Variants in DBX2 observed in about 807,000 individuals in gnomAD.
The protein encoded by DBX2 is developing brain homeobox 2, also known as homeobox protein DBX2.
In DBX2, 16 loss-of-function variants were observed where a neutral mutation model predicts 17.7. The ratio of observed to expected loss-of-function variants is 0.90; its 90% CI spans 0.61 to 1.37. DBX2 has a LOEUF of 1.37. Ranked by LOEUF, DBX2 falls within the 40% of genes most tolerant of loss-of-function variation. DBX2 has a pLI of 0.00. For synonymous variants in DBX2, 255 were observed against 183.8 expected (o/e 1.39, Z -3.13); for missense variants, 538 against 433.8 (o/e 1.24, Z -2.13).
intron 2 of DBX2, among the ~76,000 whole-genome samples, chr12:45,024,857 A>T (rs1375952382): frequency 6.6e-6 from 1 of 152,180 alleles, no homozygotes; most frequent in East Asian, 1.9e-4. Flanking sequence ...AAGAGAAGAG[A>T]GAACTGAAGG....
intron 1 of DBX2, 28 bp downstream of exon 1, chr12:45,050,497 C>A: frequency 6.5e-7 from 1 of 1,543,488 alleles, no homozygotes; most frequent in Admixed American, 2.0e-5. Context: ...GCGGGCGCGG[C>A]TGGGGAGGGA....
intron 2 of DBX2, among the ~76,000 whole-genome samples, chr12:45,025,607 T>C (rs1268922487): frequency 6.6e-6 from 1 of 151,130 alleles, no homozygotes; most frequent in African/African-American, 2.4e-5. Context: ...CACCTTCTTA[T>C]GGGAGGGGTG....
chr12:45,036,319 A>G (rs1490632509), intron 1 of DBX2, among the ~76,000 whole-genome samples: 2 of 152,224 alleles, frequency 1.3e-5, no homozygotes, highest in East Asian at 3.8e-4. Flanking sequence ...GAAAAGACGC[A>G]AAGAGACTAT....
intron 1 of DBX2, 128 bp from the exon 2 acceptor site, chr12:45,036,242 T>A: frequency 1.2e-6 from 1 of 845,316 alleles, no homozygotes; most frequent in East Asian, 3.0e-5. Flanking sequence ...ATTAAAGTTA[T>A]TATAAAGTAG....
At chr12:45,025,036 C>T (rs1946374125) in intron 2 of DBX2, among the ~76,000 whole-genome samples, 1 of 152,148 alleles carries the variant, frequency 6.6e-6, no homozygotes, top group African/African-American at 2.4e-5. Flanking sequence ...GTGTGGCAGG[C>T]AGAGTAATGG....
At chr12:45,026,120 A>G (rs1349415151) in intron 2 of DBX2, among the ~76,000 whole-genome samples, 1 of 152,194 alleles carries the variant, frequency 6.6e-6, no homozygotes, top group East Asian at 1.9e-4. Flanking sequence ...ACCTCTTCAA[A>G]GGTAACCACA....
rs1312405042 is a variant in DBX2, at chr12:45,024,043, CT to C, written c.500-150del. ...CACTTAAAGCAGTACTTCCTAACTT[CT>C]TTTTGGCTATGGACTCTCATCTTGA... On this transcript the variant is annotated intron_variant, in intron 2 of 3. Transcript: ENST00000332700. 8 of 746,080 alleles carry C rather than the reference CT, an allele frequency of 1.1e-5. No individual in the cohort carries two copies. In the East Asian group the frequency reaches 2.2e-4, roughly 21 times the overall value. The allele number at this position is 746,080 out of a possible 1,614,324, so 46.2% of individuals were successfully genotyped here.
chr12:45,033,884 T>C (rs773281416), intron 2 of DBX2, among the ~76,000 whole-genome samples: 7 of 152,266 alleles, frequency 4.6e-5, no homozygotes, highest in Non-Finnish European at 1.0e-4. Flanking sequence ...ACAAGAATTA[T>C]GCAAAAGGCA....
At chr12:45,021,083 T>C (rs1181026830) in intron 3 of DBX2, among the ~76,000 whole-genome samples, 1 of 152,196 alleles carries the variant, frequency 6.6e-6, no homozygotes, top group African/African-American at 2.4e-5. Context: ...CTGTAACTGA[T>C]ATATTGATAT....
chr12:45,050,598 G>T lies in DBX2; in HGVS notation c.330C>A (p.Pro110=). 6.4e-7 allele frequency: 1 copy of T among 1,551,504 alleles called. No individual in the cohort carries two copies. The highest frequency in any genetic ancestry group is 8.7e-7 in the Non-Finnish European group (1 of 1,147,886). ...GTRWAFQVLS[P]SADSARLPGR... ...CCGGCAGCCTCGCACTGTCCGCAGA[G>T]GGACTGAGCACTTGAAAAGCCCACC... Residue 110 remains proline (P), a synonymous_variant, in exon 1 of 4, where the codon CCC becomes CCA. Coordinates refer to ENST00000332700, the MANE Select transcript of DBX2 (RefSeq NM_001004329.3).
rs778034743 is a variant in DBX2, at chr12:45,036,000, A to G, written c.499+19T>C. 1.0e-5 allele frequency: 16 copies of G among 1,606,680 alleles called. No individual in the cohort carries two copies. Among genetic ancestry groups the G allele is most frequent in the East Asian group, 2.2e-5 (1 of 44,764 alleles). On this transcript the variant is annotated intron_variant, in intron 2 of 3. Coordinates refer to ENST00000332700, the MANE Select transcript of DBX2 (RefSeq NM_001004329.3). ...TTACAGAATAACTGAGGCATTGCTG[A>G]TGAAGGATAAAAACTTACTTGGAAA...
chr12:45,016,824 G>A (rs1364885511), intron 3 of DBX2, among the ~76,000 whole-genome samples: 2 of 151,876 alleles, frequency 1.3e-5, no homozygotes, highest in Non-Finnish European at 2.9e-5. Flanking sequence ...TTGAGATGGG[G>A]TCTCTCTCTG....
chr12:45,018,021 T>C (rs1161928932), intron 3 of DBX2, among the ~76,000 whole-genome samples: 1 of 152,120 alleles, frequency 6.6e-6, no homozygotes, highest in Non-Finnish European at 1.5e-5. Flanking sequence ...ATGTTCAAAA[T>C]GGCAACAAAA....
intron 1 of DBX2, among the ~76,000 whole-genome samples, chr12:45,044,498 C>T (rs924116843): frequency 4.6e-5 from 7 of 151,972 alleles, no homozygotes; most frequent in African/African-American, 1.2e-4. Flanking sequence ...TTCTGATGGT[C>T]GCTTAGAGTT....
intron 1 of DBX2, among the ~76,000 whole-genome samples, chr12:45,043,587 G>A (rs989871100): frequency 2.6e-5 from 4 of 152,204 alleles, no homozygotes; most frequent in Admixed American, 6.5e-5. Flanking sequence ...TGCCAGCCAT[G>A]TGAGTAGCCA....
In DBX2 at chr12:45,036,005, G is replaced by A. The variant is rs1946438113; in HGVS notation, c.499+14C>T. ...GAATAACTGAGGCATTGCTGATGAA[G>A]GATAAAAACTTACTTGGAAAAGCAG... is the stretch of plus-strand genomic sequence containing the variant. On this transcript the variant is annotated intron_variant, in intron 2 of 3. Coordinates refer to ENST00000332700, the MANE Select transcript of DBX2 (RefSeq NM_001004329.3). The A allele has an allele frequency of 6.2e-7, 1 of 1,609,022 alleles. No homozygotes were observed. Among genetic ancestry groups the A allele is most frequent in the Non-Finnish European group, 8.5e-7 (1 of 1,177,738 alleles).
intron 2 of DBX2, among the ~76,000 whole-genome samples, chr12:45,028,280 C>T (rs762325104): frequency 3.3e-5 from 5 of 152,164 alleles, no homozygotes; most frequent in Non-Finnish European, 7.4e-5. Flanking sequence ...GAAGGGAAGC[C>T]TTGCAAGAAG....
At chr12:45,018,066 G>T (rs1333590690) in intron 3 of DBX2, among the ~76,000 whole-genome samples, 1 of 152,102 alleles carries the variant, frequency 6.6e-6, no homozygotes. Flanking sequence ...GCAAAAGACT[G>T]TCATCTCAGT....
intron 2 of DBX2, among the ~76,000 whole-genome samples, chr12:45,026,658 AT>A (rs750892109): frequency 2.0e-5 from 3 of 152,170 alleles, no homozygotes; most frequent in Non-Finnish European, 4.4e-5. Flanking sequence ...TTCCTTTTCT[AT>A]TTGTCTAAAA....
Sources: allele counts gnomAD v4.1 joint callset (sites outside exome capture counted in the v4.1 genomes callset), GRCh38; gene constraint gnomAD v4.1.1; transcripts MANE v1.5; gene names NCBI Gene and HGNC (gene_info 2026-07-23, HGNC 2026-07-21).